NADK2: variants seen among roughly 807,000 people sequenced by gnomAD.
NADK2 encodes NAD kinase domain-containing protein 1, mitochondrial.
NADK2 carries 35 observed loss-of-function variants against 62.1 expected under a neutral mutation model. The observed-to-expected ratio is 0.56, with a 90% CI of 0.43 to 0.75. The LOEUF is 0.75. Ranked by LOEUF, NADK2 falls within the 30% of genes least tolerant of loss-of-function variation. The pLI is 0.00. For missense variants in NADK2, 439 were observed against 561.3 expected (o/e 0.78, Z 2.20); for synonymous variants, 205 against 207.9 (o/e 0.99, Z 0.12).
At chr5:36,221,280 A>G (rs1747257739) in intron 4 of NADK2, 1 of 152,242 alleles carries the variant, frequency 6.6e-6, no homozygotes, top group Non-Finnish European at 1.5e-5. Context: ...CCATCTTGAA[A>G]GTGGATCCTC....
intron 5 of NADK2, 41 bp from the exon 6 acceptor site, chr5:36,217,925 ATAAAT>A (rs1339716147): frequency 6.4e-6 from 10 of 1,574,690 alleles, no homozygotes; most frequent in East Asian, 2.3e-5. Flanking sequence ...TTAAAATAGA[ATAAAT>A]TAAAGAGTAG....
At chr5:36,217,167 G>C (rs1439410314) in intron 6 of NADK2, among the ~76,000 whole-genome samples, 1 of 152,082 alleles carries the variant, frequency 6.6e-6, no homozygotes, top group Non-Finnish European at 1.5e-5. Flanking sequence ...AAATATTTAA[G>C]ATTTCTCTTG....
chr5:36,234,300 G>C (rs951389829), intron 1 of NADK2, among the ~76,000 whole-genome samples: 8 of 149,130 alleles, frequency 5.4e-5, no homozygotes, highest in Non-Finnish European at 1.0e-4. Context: ...GTGAACCCGG[G>C]AGGCGGAGCT....
chr5:36,209,502 CATTT>C (rs1746761325), intron 7 of NADK2, among the ~76,000 whole-genome samples: 2 of 152,154 alleles, frequency 1.3e-5, no homozygotes, highest in Middle Eastern at 3.4e-3. Flanking sequence ...TTTATCATTG[CATTT>C]ATTTAAGGTA....
At chr5:36,219,564 C>T (rs775266927) in intron 5 of NADK2, 32 bp downstream of exon 5, 4 of 1,558,534 alleles carry the variant, frequency 2.6e-6, no homozygotes, top group East Asian at 2.2e-5. Context: ...TATTAAGATA[C>T]TTACATAAGA....
chr5:36,216,794 G>T lies in NADK2; in HGVS notation c.781+954C>A, dbSNP rs549126802. Among the ~76,000 whole-genome samples the T allele has an allele frequency of 5.6e-4, 86 of 152,232 alleles. 2 individuals carry two copies. In the South Asian group the frequency reaches 0.017, roughly 30 times the overall value. On this transcript the variant is annotated intron_variant, in intron 6 of 11. Transcript: ENST00000381937. ...AATCTACCATCTATTAGTGGTAGAA[G>T]TAACTTCTTTCAGTGAGGGATTAAA...
rs1746180309 is a variant in NADK2, at chr5:36,195,138, A to T, written c.*6T>A. 19 of 1,596,436 alleles carry T rather than the reference A, an allele frequency of 1.2e-5. No homozygotes were observed. The highest frequency in any genetic ancestry group is 1.6e-5 in the Non-Finnish European group (19 of 1,174,234). On this transcript the variant is annotated 3_prime_UTR_variant, in exon 12 of 12. Coordinates refer to ENST00000381937, the MANE Select transcript of NADK2 (RefSeq NM_001085411.3). Reference sequence around the variant, plus strand: ...CAGTAATCAAAATTTGTCATGAGGAAATCCTTCACTGTTCAAGAAGCACAG... The same window carrying T: ...CAGTAATCAAAATTTGTCATGAGGATATCCTTCACTGTTCAAGAAGCACAG...
At chr5:36,198,612 A>T (rs1561054219) in intron 10 of NADK2, among the ~76,000 whole-genome samples, 2 of 148,024 alleles carry the variant, frequency 1.4e-5, no homozygotes, top group African/African-American at 4.9e-5. Flanking sequence ...AATATAAATT[A>T]ATATATATAT....
At chr5:36,239,262 T>G (rs1748021114) in intron 1 of NADK2, among the ~76,000 whole-genome samples, 1 of 152,196 alleles carries the variant, frequency 6.6e-6, no homozygotes. Context: ...CAGAATCCCA[T>G]TTTAGGACAG....
intron 6 of NADK2, 145 bp downstream of exon 6, chr5:36,217,603 T>C: frequency 1.2e-6 from 1 of 850,386 alleles, no homozygotes; most frequent in Non-Finnish European, 1.8e-6. Context: ...TCTAATAAAC[T>C]TTACAACTGA....
At chr5:36,210,009 A>G (rs973743851) in intron 7 of NADK2, among the ~76,000 whole-genome samples, 1 of 152,146 alleles carries the variant, frequency 6.6e-6, no homozygotes, top group Non-Finnish European at 1.5e-5. Flanking sequence ...AGTTAAGACA[A>G]ATTTTTCTCA....
At chr5:36,200,959 A>G (rs1452846938) in intron 9 of NADK2, 147 bp downstream of exon 9, 1 of 626,018 alleles carries the variant, frequency 1.6e-6, no homozygotes, top group African/African-American at 1.9e-5. Flanking sequence ...TGAATCTTCT[A>G]TCAGTGATAT....
intron 1 of NADK2, among the ~76,000 whole-genome samples, chr5:36,236,071 G>T (rs1483935468): frequency 6.6e-6 from 1 of 151,950 alleles, no homozygotes; most frequent in Non-Finnish European, 1.5e-5. Context: ...ACAACTATTA[G>T]AAGTTAATTT....
intron 7 of NADK2, among the ~76,000 whole-genome samples, chr5:36,209,130 C>T (rs997880150): frequency 2.0e-5 from 3 of 152,116 alleles, no homozygotes; most frequent in Admixed American, 2.0e-4. Flanking sequence ...AGTAGTTAAA[C>T]TATTTTCAAC....
intron 4 of NADK2, among the ~76,000 whole-genome samples, chr5:36,223,797 A>T (rs1376861762): frequency 6.6e-6 from 1 of 152,192 alleles, no homozygotes; most frequent in African/African-American, 2.4e-5. Flanking sequence ...GCTTGGGGAT[A>T]AGTGGAAGGA....
At chr5:36,233,641 T>C (rs1180151808) in intron 1 of NADK2, among the ~76,000 whole-genome samples, 10 of 152,258 alleles carry the variant, frequency 6.6e-5, no homozygotes, top group Admixed American at 6.5e-4. Context: ...ATTTAAAATA[T>C]ATTTTTAATT....
intron 1 of NADK2, among the ~76,000 whole-genome samples, chr5:36,235,706 A>G (rs1342379067): frequency 1.3e-5 from 2 of 152,066 alleles, no homozygotes; most frequent in Non-Finnish European, 2.9e-5. Flanking sequence ...CTAAGCCTCA[A>G]TTGTGATGAC....
intron 8 of NADK2, among the ~76,000 whole-genome samples, chr5:36,202,900 ACT>A (rs1746498701): frequency 6.6e-6 from 1 of 152,114 alleles, no homozygotes; most frequent in South Asian, 2.1e-4. Context: ...GTGTTAAGCC[ACT>A]GAGATTGGTG....
chr5:36,225,767 T>G (rs1218021845), intron 3 of NADK2, 144 bp from the exon 4 acceptor site: 2 of 618,668 alleles, frequency 3.2e-6, no homozygotes, highest in Non-Finnish European at 5.6e-6. Flanking sequence ...TTCTACCTAT[T>G]ATACCTTTGG....
Sources: allele counts gnomAD v4.1 joint callset (sites outside exome capture counted in the v4.1 genomes callset), GRCh38; gene constraint gnomAD v4.1.1; transcripts MANE v1.5; gene names NCBI Gene and HGNC (gene_info 2026-07-23, HGNC 2026-07-21).